The following RORA variants were observed in gnomAD, a reference collection of about 807,000 sequenced individuals.
The protein encoded by RORA is RAR related orphan receptor A.
RORA carries 7 observed loss-of-function variants against 69.5 expected under a neutral mutation model. The observed-to-expected ratio is 0.10, with a 90% confidence interval of 0.06 to 0.19. The LOEUF is 0.19. RORA is among the 10% of genes least tolerant of loss of function. RORA has a pLI of 1.00. For synonymous variants in RORA, 261 were observed against 240.8 expected (o/e 1.08, Z -0.78); for missense variants, 457 against 663.0 (o/e 0.69, Z 3.41).
At chr15:60,814,293 C>T (rs896564417) in intron 1 of RORA, among the ~76,000 whole-genome samples, 3 of 152,134 alleles carry the variant, frequency 2.0e-5, no homozygotes, top group African/African-American at 7.2e-5. Context: ...AGGCGTTCTG[C>T]ATGTGACTCT....
At chr15:61,033,223 G>C (rs549543469) in intron 1 of RORA, among the ~76,000 whole-genome samples, 1 of 152,224 alleles carries the variant, frequency 6.6e-6, no homozygotes, top group South Asian at 2.1e-4. Context: ...AGGCAAAGCG[G>C]GTCTTCCATG....
chr15:61,015,490 G>T (rs1414205307), intron 1 of RORA, among the ~76,000 whole-genome samples: 3 of 151,976 alleles, frequency 2.0e-5, no homozygotes, highest in Non-Finnish European at 4.4e-5. Flanking sequence ...AAAATGTTTG[G>T]AAGAAAGGCC....
At chr15:60,854,045 C>T (rs773508823) in intron 1 of RORA, among the ~76,000 whole-genome samples, 8 of 152,226 alleles carry the variant, frequency 5.3e-5, no homozygotes, top group East Asian at 1.9e-4. Context: ...AGGTGGATCA[C>T]GAGGTGAAGA....
At position 60,565,732 on chromosome 15, in the gene RORA, G is replaced by T. The variant is rs559984359; in HGVS notation, c.197-33881C>A. Among the ~76,000 whole-genome samples, 285 of 152,264 alleles carry T rather than the reference G, an allele frequency of 1.9e-3. 1 individual carries two copies. Among genetic ancestry groups the T allele is most frequent in the Non-Finnish European group, 3.3e-3 (227 of 68,010 alleles). On this transcript the variant is annotated intron_variant, in intron 2 of 10. Transcript: ENST00000335670. Reference sequence around the variant, plus strand: ...ACTCAATTTGGTACAAACATATATAGATACCACCCCTGTTTTTTCTTTAAA... The same window carrying T: ...ACTCAATTTGGTACAAACATATATATATACCACCCCTGTTTTTTCTTTAAA...
intron 1 of RORA, among the ~76,000 whole-genome samples, chr15:60,686,165 C>G (rs2140764719): frequency 6.6e-6 from 1 of 152,314 alleles, no homozygotes; most frequent in Admixed American, 6.5e-5. Context: ...GAAGTATGCC[C>G]TCTTTCAAGT....
At chr15:60,580,229 TC>T (rs2068153174) in intron 2 of RORA, among the ~76,000 whole-genome samples, 1 of 152,208 alleles carries the variant, frequency 6.6e-6, no homozygotes, top group African/African-American at 2.4e-5. Context: ...GAAGCATAGA[TC>T]TGGTGATTAA....
At chr15:60,561,758 C>T (rs2067566750) in intron 2 of RORA, among the ~76,000 whole-genome samples, 1 of 152,106 alleles carries the variant, frequency 6.6e-6, no homozygotes, top group African/African-American at 2.4e-5. Flanking sequence ...ATAAGTGATG[C>T]AAAATTTATC....
chr15:60,639,407 T>A (rs1361674198), intron 2 of RORA, among the ~76,000 whole-genome samples: 1 of 152,080 alleles, frequency 6.6e-6, no homozygotes, highest in East Asian at 1.9e-4. Flanking sequence ...TGTCTCCCCG[T>A]TTCGTGGGGT....
At chr15:61,158,253 C>A (rs1387595364) in intron 1 of RORA, among the ~76,000 whole-genome samples, 1 of 152,124 alleles carries the variant, frequency 6.6e-6, no homozygotes, top group Non-Finnish European at 1.5e-5. Flanking sequence ...AGACAGCGGG[C>A]AAATATGTGC....
intron 1 of RORA, among the ~76,000 whole-genome samples, chr15:61,175,731 G>T (rs997227658): frequency 5.3e-5 from 8 of 151,980 alleles, no homozygotes; most frequent in Admixed American, 1.3e-4. Flanking sequence ...AAAATAGAAA[G>T]GAAGATGTTG....
chr15:60,604,395 G>C (rs563908337), intron 2 of RORA, among the ~76,000 whole-genome samples: 10 of 152,128 alleles, frequency 6.6e-5, no homozygotes, highest in Non-Finnish European at 1.3e-4. Context: ...CCAGTAATGC[G>C]AATGGACTGA....
intron 2 of RORA, among the ~76,000 whole-genome samples, chr15:60,561,121 G>A (rs1231829167): frequency 5.6e-4 from 75 of 135,092 alleles, no homozygotes; most frequent in African/African-American, 1.7e-3. Flanking sequence ...TCGCTCTGTC[G>A]CCCAGGCTGG....
At chr15:60,900,891 A>T (rs1049252551) in intron 1 of RORA, among the ~76,000 whole-genome samples, 2 of 151,988 alleles carry the variant, frequency 1.3e-5, no homozygotes, top group African/African-American at 4.8e-5. Flanking sequence ...AAAAAATAAA[A>T]AAAAATAGGA....
intron 2 of RORA, among the ~76,000 whole-genome samples, chr15:60,665,758 T>C (rs1013984458): frequency 7.9e-5 from 12 of 152,300 alleles, no homozygotes; most frequent in Admixed American, 4.6e-4. Context: ...CACTGCAACC[T>C]CCATCTCCCG....
At position 61,229,087 on chromosome 15, in the gene RORA, C is replaced by A; in HGVS notation, c.132G>T (p.Pro44=). ...TGCTGGAATAGCTCTGTCTGCGCAC[C>A]GGGGCAGGCGGCTCGCTCTTGCGGG... ...ESARKSEPPA[P]VRRQSYSSTS... is the part of the protein sequence containing the mutation. Residue 44 remains proline, a synonymous_variant, in exon 1 of 11, where the codon CCG becomes CCT. Transcript: ENST00000335670. 6.5e-7 allele frequency: 1 copy of A among 1,538,082 alleles called. No homozygotes were observed. Among genetic ancestry groups the A allele is most frequent in the South Asian group, 1.2e-5 (1 of 83,650 alleles).
chr15:60,739,298 C>T (rs1343287663), intron 1 of RORA, among the ~76,000 whole-genome samples: 2 of 152,080 alleles, frequency 1.3e-5, no homozygotes, highest in African/African-American at 4.8e-5. Flanking sequence ...TGGGGCTGGG[C>T]GCAGTGGCTC....
chr15:60,498,067 A>G (rs2141249892), intron 10 of RORA, among the ~76,000 whole-genome samples: 1 of 152,280 alleles, frequency 6.6e-6, no homozygotes, highest in East Asian at 1.9e-4. Flanking sequence ...TCTTAAAAAA[A>G]ATAAATAAAT....
Position 60,990,851 on chromosome 15 carries a change from G to A in RORA, c.166+238202C>T, listed in dbSNP as rs146631122. Among the ~76,000 whole-genome samples the A allele has an allele frequency of 2.7e-3, 405 of 152,172 alleles. 2 individuals are homozygous for A. The highest frequency in any genetic ancestry group is 9.3e-3 in the African/African-American group (386 of 41,512). Reference sequence around the variant, plus strand: ...ACATTATAAAGGAGTTAAAGTAGATGGAATCTCAAAATACAAGGCAAGCAA... The same window carrying A: ...ACATTATAAAGGAGTTAAAGTAGATAGAATCTCAAAATACAAGGCAAGCAA... On this transcript the variant is annotated intron_variant, in intron 1 of 10. Coordinates refer to ENST00000335670, the MANE Select transcript of RORA (RefSeq NM_134261.3).
At chr15:61,170,092 T>A (rs1287650094) in intron 1 of RORA, among the ~76,000 whole-genome samples, 2 of 152,194 alleles carry the variant, frequency 1.3e-5, no homozygotes, top group African/African-American at 4.8e-5. Context: ...TGATCCCCAG[T>A]TTCCTCATTT....
Sources: allele counts gnomAD v4.1 joint callset (sites outside exome capture counted in the v4.1 genomes callset), GRCh38; gene constraint gnomAD v4.1.1; transcripts MANE v1.5; gene names NCBI Gene and HGNC (gene_info 2026-07-23, HGNC 2026-07-21).